The following FBRSL1 variants were observed in gnomAD, a reference collection of about 807,000 sequenced individuals.
FBRSL1 encodes fibrosin-1-like protein.
Under a neutral mutation model 89.6 loss-of-function variants are expected in FBRSL1, and 51 were observed. That is an observed-to-expected ratio of 0.57 (90% CI 0.45 to 0.72). The LOEUF is 0.72. Among genes scored for constraint, FBRSL1 ranks in the 30% least tolerant of loss-of-function variants. The pLI is 0.00. For missense variants in FBRSL1, 1,618 were observed against 1,451.8 expected (o/e 1.11, Z -1.86); for synonymous variants, 779 against 681.1 (o/e 1.14, Z -2.24).
Position 132,583,998 on chromosome 12 carries a change from C to T in FBRSL1, c.*220C>T, listed in dbSNP as rs1566261539. On this transcript the variant is annotated 3_prime_UTR_variant, in exon 19 of 19. Coordinates refer to ENST00000680143, the MANE Select transcript of FBRSL1 (RefSeq NM_001367871.1). ...TGGGAAAAAAAAATCGCGTTTGTACCTTTTCCCCCCACAGATGAGAAGTGT... is the reference window on the plus strand; with the variant it reads ...TGGGAAAAAAAAATCGCGTTTGTACTTTTTCCCCCCACAGATGAGAAGTGT... The T allele has an allele frequency of 3.8e-6, 1 of 261,640 alleles. No individual in the cohort carries two copies. The highest frequency in any genetic ancestry group is 7.2e-6 in the Non-Finnish European group (1 of 138,286). The allele number at this position is 261,640 out of a possible 1,614,324, so 16.2% of individuals were successfully genotyped here.
At chr12:132,581,641 A>C in intron 16 of FBRSL1, 100 bp from the exon 17 acceptor site, 1 of 1,481,164 alleles carries the variant, frequency 6.8e-7, no homozygotes, top group Non-Finnish European at 9.2e-7. Flanking sequence ...TGCAGGCAGT[A>C]CCCACCAGGC....
chr12:132,547,716 C>T (rs1278953273), intron 4 of FBRSL1, among the ~76,000 whole-genome samples: 3 of 152,222 alleles, frequency 2.0e-5, no homozygotes, highest in South Asian at 4.1e-4. Flanking sequence ...GGGCTCCTCT[C>T]GGGCTGCAGG....
intron 4 of FBRSL1, among the ~76,000 whole-genome samples, chr12:132,535,051 G>A (rs1410856305): frequency 6.6e-6 from 1 of 152,254 alleles, no homozygotes; most frequent in Non-Finnish European, 1.5e-5. Flanking sequence ...CTGCTGGAGA[G>A]GGCCAGGCCA....
chr12:132,582,094 G>A lies in FBRSL1; in HGVS notation c.2029G>A (p.Gly677Ser), dbSNP rs768388109. Residue 677 changes from glycine to serine, a missense_variant, in exon 18 of 19, where the codon GGC becomes AGC. Transcript: ENST00000680143. ...PGGSIFAPKE[G>S]SSVHGLPSPH... ...TGGCAGCATCTTTGCCCCCAAGGAG[G>A]GCTCCTCCGTGCACGGCCTGCCCAG... The A allele has an allele frequency of 4.7e-5, 73 of 1,549,044 alleles. No homozygotes were observed. The African/African-American group carries it at 9.0e-4, about 19-fold the overall frequency.
chr12:132,507,070 C>G (rs1006605264), intron 1 of FBRSL1: 3 of 419,986 alleles, frequency 7.1e-6, no homozygotes, highest in African/African-American at 2.2e-5. Flanking sequence ...CTGCCCTTAC[C>G]GGAGGGACAG....
intron 1 of FBRSL1, among the ~76,000 whole-genome samples, chr12:132,503,853 G>A (rs2033340697): frequency 1.3e-5 from 2 of 152,182 alleles, no homozygotes; most frequent in Non-Finnish European, 2.9e-5. Context: ...CCTGACGAAG[G>A]TGTGAGCCAA....
chr12:132,494,402 C>T (rs1050091196), intron 1 of FBRSL1, among the ~76,000 whole-genome samples: 1 of 152,244 alleles, frequency 6.6e-6, no homozygotes, highest in Admixed American at 6.5e-5. Flanking sequence ...AAAGGCCATC[C>T]TTATCTGGCC....
At chr12:132,491,007 C>T (rs990476735) in intron 1 of FBRSL1, 146 bp downstream of exon 1, 3 of 589,138 alleles carry the variant, frequency 5.1e-6, no homozygotes, top group East Asian at 5.5e-5. Context: ...GGTACCCGTT[C>T]CAGGGACCCT....
At chr12:132,545,892 G>A (rs2037647612) in intron 4 of FBRSL1, among the ~76,000 whole-genome samples, 1 of 152,228 alleles carries the variant, frequency 6.6e-6, no homozygotes, top group Non-Finnish European at 1.5e-5. Flanking sequence ...GGGGTCCCCA[G>A]AAATCCCACT....
At chr12:132,509,543 C>T (rs934134019) in intron 2 of FBRSL1, 63 of 1,233,906 alleles carry the variant, frequency 5.1e-5, no homozygotes, top group Non-Finnish European at 6.4e-5. Context: ...GGCAGTGCTG[C>T]AGGCGCCTGC....
chr12:132,544,546 T>C (rs1050124912), intron 4 of FBRSL1, among the ~76,000 whole-genome samples: 3 of 151,994 alleles, frequency 2.0e-5, no homozygotes, highest in African/African-American at 7.3e-5. Context: ...ACAATGATGG[T>C]GATGATGGTG....
chr12:132,564,920 C>CCT (rs2039492236), intron 5 of FBRSL1, among the ~76,000 whole-genome samples: 1 of 144,776 alleles, frequency 6.9e-6, no homozygotes, highest in African/African-American at 2.9e-5. Context: ...TGAGCCGCGG[C>CCT]CGGCCGCCCT....
chr12:132,546,844 C>T lies in FBRSL1; in HGVS notation c.616-1159C>T, dbSNP rs1034309373. 1.3e-5 allele frequency among the ~76,000 whole-genome samples: 2 copies of T among 152,230 alleles called. No homozygotes were observed. The highest frequency in any genetic ancestry group is 2.4e-5 in the African/African-American group (1 of 41,450). On this transcript the variant is annotated intron_variant, in intron 4 of 18. Transcript: ENST00000680143. This position sits in a 1 kb window ranked among gnomAD's most constrained non-coding sequence, Gnocchi z 4.0. The stretch of plus-strand genomic sequence containing the variant: ...TCTCGCTGCAGAGTGTCTGCTAAAG[C>T]GCATTTCACACCGTACTGTGAGCTC...
chr12:132,505,346 C>T (rs755652171), intron 1 of FBRSL1, among the ~76,000 whole-genome samples: 5 of 152,146 alleles, frequency 3.3e-5, no homozygotes, highest in East Asian at 1.9e-4. Context: ...TGGTTGGCAC[C>T]GCCCATGGGG....
chr12:132,567,921 C>T (rs1368066984), intron 6 of FBRSL1, among the ~76,000 whole-genome samples: 1 of 152,192 alleles, frequency 6.6e-6, no homozygotes, highest in African/African-American at 2.4e-5. Context: ...GGCTCTGCTG[C>T]CTGCGCGCCT....
chr12:132,531,751 GC>G (rs1210604365), intron 4 of FBRSL1, among the ~76,000 whole-genome samples: 1 of 152,242 alleles, frequency 6.6e-6, no homozygotes, highest in African/African-American at 2.4e-5. Flanking sequence ...TGTGACTGGG[GC>G]CTCCAGCCTA....
intron 1 of FBRSL1, among the ~76,000 whole-genome samples, chr12:132,502,727 C>T (rs1471732790): frequency 2.0e-5 from 3 of 148,356 alleles, no homozygotes; most frequent in African/African-American, 7.5e-5. Flanking sequence ...GCCTCGAGCC[C>T]GCTATCCCCA....
intron 1 of FBRSL1, among the ~76,000 whole-genome samples, chr12:132,494,473 T>C (rs561220729): frequency 6.6e-6 from 1 of 152,348 alleles, no homozygotes; most frequent in South Asian, 2.1e-4. Context: ...CCAGGCCTGC[T>C]TAGCCCAGTG....
intron 6 of FBRSL1, among the ~76,000 whole-genome samples, chr12:132,568,504 C>T (rs112174834): frequency 9.3e-4 from 141 of 152,374 alleles, no homozygotes; most frequent in African/African-American, 3.2e-3. Context: ...CGGTGTCACG[C>T]GGGGCTGCTG....
Sources: gnomAD v4.1 joint callset for allele counts (sites outside exome capture counted in the v4.1 genomes callset) on GRCh38, gnomAD v4.1.1 for gene constraint, Gnocchi (gnomAD v3.1) non-coding constraint, MANE v1.5 for transcripts, NCBI Gene and HGNC (gene_info 2026-07-23, HGNC 2026-07-21) for gene names.